KDM6B: variants seen among roughly 807,000 people sequenced by gnomAD.
The protein encoded by KDM6B is lysine-specific demethylase 6B.
In KDM6B, 22 loss-of-function variants were observed where a neutral mutation model predicts 150.4. The observed-to-expected ratio is 0.15, with a 90% confidence interval of 0.10 to 0.21. KDM6B has a LOEUF of 0.21. KDM6B is among the 10% of genes least tolerant of loss of function. The probability of loss-of-function intolerance (pLI) is 1.00; values close to 1 mark genes in which losing one functional copy is unlikely to be tolerated. For missense variants in KDM6B, 1,984 were observed against 2,234.3 expected, an observed-to-expected ratio of 0.89 and a Z score of 2.26; for synonymous variants, 1,148 against 921.1, an observed-to-expected ratio of 1.25 and a Z score of -4.46.
Position 7,845,552 on chromosome 17 carries a change from T to C in KDM6B, c.-3T>C. 5 of 1,614,156 alleles carry C rather than the reference T, an allele frequency of 3.1e-6. No individual in the cohort carries two copies. The highest frequency in any genetic ancestry group is 4.2e-6 in the Non-Finnish European group (5 of 1,180,024). ...ATAATTTCTTATCCCCAACTCAGGCTGGATGCATCGGGCAGTGGACCCTCC... is the reference window on the plus strand; with the variant it reads ...ATAATTTCTTATCCCCAACTCAGGCCGGATGCATCGGGCAGTGGACCCTCC... On this transcript the variant is annotated splice_region_variant and 5_prime_UTR_variant, in exon 5 of 24. Transcript: ENST00000448097.
At position 7,847,826 on chromosome 17, in the gene KDM6B, G is replaced by GC; in HGVS notation, c.1541dup (p.Ala515CysfsTer40). On this transcript the variant is annotated frameshift_variant, in exon 12 of 24. Coordinates refer to ENST00000448097, the MANE Select transcript of KDM6B (RefSeq NM_001348716.2). LOFTEE classifies it high-confidence loss of function. ...TTCTTTGGGACTGAGGGACCCCCCC[G>GC]CCCTGCCCCACCACCCCTCCCCCAT... The GC allele has an allele frequency of 1.2e-4, 52 of 438,442 alleles. No individual in the cohort carries two copies. The highest frequency in any genetic ancestry group is 5.2e-4 in the South Asian group (17 of 32,708). 27.2% of individuals were successfully genotyped at this position (438,442 alleles called of 1,614,324 possible).
chr17:7,845,736 C>T (rs755561393), intron 5 of KDM6B, 45 bp downstream of exon 5: 1 of 1,613,162 alleles, frequency 6.2e-7, no homozygotes, highest in African/African-American at 1.3e-5. Context: ...CTCTTTCCAT[C>T]TCTGTATCCC....
Position 7,846,677 on chromosome 17 carries a change from C to G in KDM6B, c.648C>G (p.Gly216=), listed in dbSNP as rs772204657. ...VQPVPPAALS[G]PSGEEGLSPG... ...CTGTGCCTCCTGCAGCACTCTCAGG[C>G]CCCTCAGGGGAGGAGGGCCTCAGCC... Residue 216 remains glycine (G), a synonymous_variant, in exon 9 of 24, where the codon GGC becomes GGG. Transcript: ENST00000448097. 1 of 1,614,130 alleles carries G rather than the reference C, an allele frequency of 6.2e-7. No individual in the cohort carries two copies. The highest frequency in any genetic ancestry group is 1.7e-5 in the Admixed American group (1 of 60,026).
At position 7,851,190 on chromosome 17, in the gene KDM6B, A is replaced by G; in HGVS notation, c.3843A>G (p.Ala1281=). 2 of 1,613,996 alleles carry G rather than the reference A, an allele frequency of 1.2e-6. No homozygotes were observed. The highest frequency in any genetic ancestry group is 1.7e-4 in the Middle Eastern group (1 of 6,060). The change falls in exon 15 of 24, where the codon GCA becomes GCG. Residue 1281 remains alanine, a synonymous_variant. Transcript: ENST00000448097. ...SRSHTTIAKY[A]QYQASSFQES... is the part of the protein sequence containing the mutation. ...CCCACACCACCATTGCCAAGTACGC[A>G]CAGTACCAGGCCTCATCCTTCCAGG... is the stretch of plus-strand genomic sequence containing the variant.
intron 4 of KDM6B, 35 bp from the exon 5 acceptor site, chr17:7,845,515 T>G: frequency 6.2e-7 from 1 of 1,613,708 alleles, no homozygotes; most frequent in East Asian, 2.2e-5. Flanking sequence ...TGGTTTTGCC[T>G]CCAGTAAGAG....
Position 7,843,197 on chromosome 17 carries a change from T to C in KDM6B, c.-268-1704T>C, listed in dbSNP as rs149992293. On this transcript the variant is annotated intron_variant, in intron 2 of 23. Transcript: ENST00000448097. This position sits in a 1 kb window ranked among gnomAD's most constrained non-coding sequence, Gnocchi z 4.5. ...CTCGGGACCACTTCCCAAGCAGGCATCTGCCCCTCTGTTGTCTGGTTCCCC... is the reference window on the plus strand; with the variant it reads ...CTCGGGACCACTTCCCAAGCAGGCACCTGCCCCTCTGTTGTCTGGTTCCCC... Among the ~76,000 whole-genome samples, 15 of 152,262 alleles carry C rather than the reference T, an allele frequency of 9.9e-5. No individual in the cohort carries two copies. The highest frequency in any genetic ancestry group is 2.1e-4 in the Non-Finnish European group (14 of 68,002).
In KDM6B at chr17:7,845,469, C is replaced by G; in HGVS notation, c.-6+13C>G. ...CACTGCTGACCTGGTAAGGGAAACT[C>G]TGGGGCCGAGCTGGCTGGATGTACA... On this transcript the variant is annotated intron_variant, in intron 4 of 23. Coordinates refer to ENST00000448097, the MANE Select transcript of KDM6B (RefSeq NM_001348716.2). 6.4e-7 allele frequency: 1 copy of G among 1,570,078 alleles called. No individual in the cohort carries two copies. The highest frequency in any genetic ancestry group is 8.8e-7 in the Non-Finnish European group (1 of 1,141,232).
In KDM6B at chr17:7,847,761, C is replaced by T. The variant is rs1255579455; in HGVS notation, c.1473C>T (p.Cys491=). The change falls in exon 12 of 24, where the codon TGC becomes TGT. Residue 491 remains cysteine (C), a synonymous_variant. Transcript: ENST00000448097. ...PPPAWLKGPA[C]RAAREDGEIL... is the part of the protein sequence containing the mutation. ...CTGCCTGGTTGAAGGGTCCGGCCTG[C>T]CGGGCAGCCCGAGAGGATGGAGAGA... 4 of 1,411,396 alleles carry T rather than the reference C, an allele frequency of 2.8e-6. No homozygotes were observed. The Admixed American group carries it at 6.4e-5, about 23-fold the overall frequency. 87.4% of individuals were successfully genotyped at this position (1,411,396 alleles called of 1,614,324 possible). A position where few individuals can be genotyped will look rare whatever the true frequency, so the allele number is the denominator to read the frequency against.
In KDM6B at chr17:7,846,823, G is replaced by A. The variant is rs1282176089; in HGVS notation, c.716G>A (p.Gly239Asp). Residue 239 changes from glycine to aspartate, a missense_variant, in exon 10 of 24, where the codon GGC becomes GAC. Gly to Asp is a moderately conservative substitution (Grantham distance 94). This residue lies in a region of KDM6B where 337 missense variants were observed against 323.9 expected (regional missense o/e 1.04). Transcript: ENST00000448097. Reference sequence around the variant, plus strand: ...TCACACTCTCTTCTCTCCTAGACTGGCCTTCCCCCAGGGCTGCCACTGCCT... The same window carrying A: ...TCACACTCTCTTCTCTCCTAGACTGACCTTCCCCCAGGGCTGCCACTGCCT... ...RRRGCNSEQT[G>D]LPPGLPLPPP... 6.2e-7 allele frequency: 1 copy of A among 1,612,380 alleles called. No homozygotes were observed. Among genetic ancestry groups the A allele is most frequent in the African/African-American group, 1.3e-5 (1 of 74,574 alleles).
In KDM6B at chr17:7,848,807, GCCC is replaced by G; in HGVS notation, c.2523_2525del (p.Pro842del). On this transcript the variant is annotated inframe_deletion, in exon 12 of 24. Transcript: ENST00000448097. Reference sequence around the variant, plus strand: ...TTGCCCACCACTCAGTATTCCCCTGGCCCCCCATCAGGTGCTACCGCCCTGCCG... The same window carrying G: ...TTGCCCACCACTCAGTATTCCCCTGGCCCATCAGGTGCTACCGCCCTGCCG... 6.2e-7 allele frequency: 1 copy of G among 1,612,696 alleles called. No individual in the cohort carries two copies. The highest frequency in any genetic ancestry group is 8.5e-7 in the Non-Finnish European group (1 of 1,179,966).
In KDM6B at chr17:7,851,092, G is replaced by A. The variant is rs763552721; in HGVS notation, c.3745G>A (p.Val1249Met). The change falls in exon 15 of 24, where the codon GTG becomes ATG. Residue 1249 changes from valine (V) to methionine (M), a missense_variant. Transcript: ENST00000448097. ...ACACACCGTGGAAGTTCGCACCCAG[G>A]TGCAGCAGCCCTCAGATGAGAACTG... ...GEHTVEVRTQVQQPSDENWDL... is the reference protein window; with the variant it reads ...GEHTVEVRTQMQQPSDENWDL... The A allele has an allele frequency of 6.2e-7, 1 of 1,613,654 alleles. No individual in the cohort carries two copies.
rs2078520316 is a variant in KDM6B at position 7,845,788 on chromosome 17, G to T, written c.138-84G>T. On this transcript the variant is annotated intron_variant, in intron 5 of 23. Transcript: ENST00000448097. The stretch of plus-strand genomic sequence containing the variant: ...TCCATGGGTTCCTGTCATTCTGTGG[G>T]CTTCCGTGCATCAGCCCCCTCCTGC... 2.5e-6 allele frequency: 4 copies of T among 1,597,404 alleles called. No individual in the cohort carries two copies. The Admixed American group carries it at 5.0e-5, about 20-fold the overall frequency.
chr17:7,848,614 C>T lies in KDM6B; in HGVS notation c.2326C>T (p.Pro776Ser), dbSNP rs1473075395. Residue 776 changes from proline to serine, a missense_variant, in exon 12 of 24, where the codon CCA becomes TCA. Coordinates refer to ENST00000448097, the MANE Select transcript of KDM6B (RefSeq NM_001348716.2). Reference protein sequence around the residue: ...EEEKKPPPALPPPPPLAKFPP... With the variant: ...EEEKKPPPALSPPPPLAKFPP... ...GGAGAAGAAGCCACCACCAGCCCTACCACCACCACCGCCTCTAGCCAAGTT... is the reference window on the plus strand; with the variant it reads ...GGAGAAGAAGCCACCACCAGCCCTATCACCACCACCGCCTCTAGCCAAGTT... 1.3e-6 allele frequency: 2 copies of T among 1,594,566 alleles called. No individual in the cohort carries two copies. Among genetic ancestry groups the T allele is most frequent in the Non-Finnish European group, 1.7e-6 (2 of 1,170,894 alleles).
In KDM6B at chr17:7,851,562, G is replaced by C. The variant is rs748823419; in HGVS notation, c.4016+13G>C. 3 of 1,613,552 alleles carry C rather than the reference G, an allele frequency of 1.9e-6. No homozygotes were observed. Among genetic ancestry groups the C allele is most frequent in the Admixed American group, 1.7e-5 (1 of 59,978 alleles). Reference sequence around the variant, plus strand: ...CTGATGCTAAGCGGTCAGTGGGGCTGAGGCCAGGGAAGTTGGGGCAGGAGT... The same window carrying C: ...CTGATGCTAAGCGGTCAGTGGGGCTCAGGCCAGGGAAGTTGGGGCAGGAGT... On this transcript the variant is annotated intron_variant, in intron 17 of 23. Transcript: ENST00000448097.
chr17:7,851,891 G>A, intron 18 of KDM6B, 60 bp from the exon 19 acceptor site: 3 of 1,598,018 alleles, frequency 1.9e-6, no homozygotes, highest in Non-Finnish European at 2.6e-6. Context: ...AGAGGGCGGG[G>A]CTATCGGGGA....
intron 2 of KDM6B, among the ~76,000 whole-genome samples, chr17:7,841,829 C>CCGGG (rs1321009143): frequency 6.6e-6 from 1 of 152,078 alleles, no homozygotes; most frequent in African/African-American, 2.4e-5. Flanking sequence ...GAAGGGAATC[C>CCGGG]CGGGCGGGCG....
At position 7,847,985 on chromosome 17, in the gene KDM6B, C is replaced by T. The variant is rs764029505; in HGVS notation, c.1697C>T (p.Ala566Val). The T allele has an allele frequency of 3.1e-6, 5 of 1,612,478 alleles. No individual in the cohort carries two copies. In the East Asian group the frequency reaches 1.1e-4, roughly 36 times the overall value. ...AGTGGCAGCCACAGCAGCAGCCCTG[C>T]TGGGCCTGTGTCCTTTCCCCCACCA... ...SNSGSHSSSP[A>V]GPVSFPPPPY... Residue 566 changes from alanine to valine, a missense_variant, in exon 12 of 24, where the codon GCT (alanine) becomes GTT (valine). Ala to Val is a moderately conservative substitution (Grantham distance 64). Around this residue, in one of 13 missense-constraint regions of KDM6B, gnomAD observed 1,379 missense variants for 1,275.6 expected, o/e 1.08. Transcript: ENST00000448097.
intron 18 of KDM6B, 26 bp downstream of exon 18, chr17:7,851,822 A>C (rs2078701350): frequency 1.9e-6 from 3 of 1,558,188 alleles, no homozygotes; most frequent in Non-Finnish European, 2.6e-6. Flanking sequence ...GTGCGCGCTG[A>C]TGCTGGAAGC....
At chr17:7,853,163 C>T (rs759664075) in intron 22 of KDM6B, 37 bp downstream of exon 22, 57 of 1,613,898 alleles carry the variant, frequency 3.5e-5, no homozygotes, top group Non-Finnish European at 4.7e-5. Context: ...CCTGAGTGTC[C>T]ACAGTGGCCC....
Sources: gnomAD v4.1 joint callset for allele counts (sites outside exome capture counted in the v4.1 genomes callset) on GRCh38, gnomAD v4.1.1 for gene constraint, gnomAD v4.1.1 regional missense constraint, Gnocchi (gnomAD v3.1) non-coding constraint, MANE v1.5 for transcripts, NCBI Gene and HGNC (gene_info 2026-07-23, HGNC 2026-07-21) for gene names.